The following KLF12 variants were observed in gnomAD, a reference collection of about 807,000 sequenced individuals.
The protein encoded by KLF12 is Krueppel-like factor 12.
A neutral mutation model predicts 37.8 loss-of-function variants in KLF12; 9 were observed. The observed-to-expected ratio is 0.24, with a 90% CI of 0.14 to 0.42. The LOEUF is 0.42. KLF12 is among the 10% of genes least tolerant of loss of function. The pLI is 1.00. For synonymous variants in KLF12, 208 were observed against 202.1 expected, an observed-to-expected ratio of 1.03 and a Z score of -0.25; for missense variants, 411 against 516.0, an observed-to-expected ratio of 0.80 and a Z score of 1.97.
chr13:74,222,112 G>A, the KLF12 span, among the ~76,000 whole-genome samples: 1 of 152,322 alleles, frequency 6.6e-6, no homozygotes, highest in African/African-American at 2.4e-5. Context: ...ACTTGTCAGT[G>A]TTGAATTTGA....
chr13:73,710,128 T>C (rs550102846), intron 7 of KLF12, among the ~76,000 whole-genome samples: 6 of 151,752 alleles, frequency 4.0e-5, no homozygotes, highest in Non-Finnish European at 7.4e-5. Context: ...CTTTCAGTGA[T>C]AGGGAACACA....
chr13:73,932,607 A>T (rs1183024051), intron 3 of KLF12, among the ~76,000 whole-genome samples: 1 of 152,182 alleles, frequency 6.6e-6, no homozygotes, highest in Non-Finnish European at 1.5e-5. Flanking sequence ...GATTTCAAAA[A>T]TTGATAGACA....
intron 6 of KLF12, among the ~76,000 whole-genome samples, chr13:73,735,315 C>T (rs971695452): frequency 6.6e-6 from 1 of 151,976 alleles, no homozygotes; most frequent in Non-Finnish European, 1.5e-5. Flanking sequence ...AGGGAACATG[C>T]TGTTTAGTTA....
intron 3 of KLF12, among the ~76,000 whole-genome samples, chr13:73,853,730 C>T (rs989601619): frequency 6.7e-5 from 7 of 104,590 alleles, no homozygotes; most frequent in African/African-American, 2.2e-4. Flanking sequence ...CAGAGTGAGA[C>T]CCTGTCTAAA....
chr13:74,086,262 C>A (rs1875288793), intron 1 of KLF12, among the ~76,000 whole-genome samples: 1 of 122,918 alleles, frequency 8.1e-6, no homozygotes. Context: ...AATGCTATCC[C>A]TCCCCCTCCC....
At chr13:74,014,259 A>C (rs1199643226) in intron 1 of KLF12, among the ~76,000 whole-genome samples, 1 of 152,202 alleles carries the variant, frequency 6.6e-6, no homozygotes, top group Admixed American at 6.5e-5. Context: ...CAGTGGATAG[A>C]GGACACCCCA....
chr13:74,094,707 C>G (rs111829846), intron 1 of KLF12, among the ~76,000 whole-genome samples: 12,176 of 151,798 alleles, frequency 0.08, 608 homozygotes, highest in Non-Finnish European at 0.12. Context: ...CCAAGTGATT[C>G]TCCTGCCTCA....
At chr13:74,017,258 TAAAAAAAAAAAAAAA>T (rs56321692) in intron 1 of KLF12, among the ~76,000 whole-genome samples, 5 of 45,590 alleles carry the variant, frequency 1.1e-4, no homozygotes, top group Admixed American at 2.9e-4. Context: ...GCCCTCAACC[TAAAAAAAAAAAAAAA>T]AAAAAAAAAA....
chr13:74,183,304 G>A, the KLF12 span, among the ~76,000 whole-genome samples: 1 of 152,124 alleles, frequency 6.6e-6, no homozygotes, highest in Non-Finnish European at 1.5e-5. Context: ...ATGAATGCGG[G>A]ACTCGGCTAT....
intron 2 of KLF12, among the ~76,000 whole-genome samples, chr13:73,951,435 G>A (rs1344888172): frequency 2.0e-5 from 3 of 152,172 alleles, no homozygotes; most frequent in Admixed American, 6.5e-5. Context: ...ATGACAATGA[G>A]TCTAAATTCA....
chr13:73,691,739 T>C lies in KLF12; in HGVS notation c.*3751A>G, dbSNP rs2137525736. 6.5e-6 allele frequency: 1 copy of C among 152,764 alleles called. No individual in the cohort carries two copies. Among genetic ancestry groups the C allele is most frequent in the South Asian group, 2.1e-4 (1 of 4,828 alleles). 9.5% of individuals were successfully genotyped at this position (152,764 alleles called of 1,614,324 possible). A position where few individuals can be genotyped will look rare whatever the true frequency, so the allele number is the denominator to read the frequency against. On this transcript the variant is annotated 3_prime_UTR_variant, in exon 8 of 8. Coordinates refer to ENST00000377669, the MANE Select transcript of KLF12 (RefSeq NM_007249.5). ...TAAGTATAATAAATCAAGTACAGAATAAGGAATACTGCATCTTTATCCATA... is the reference window on the plus strand; with the variant it reads ...TAAGTATAATAAATCAAGTACAGAACAAGGAATACTGCATCTTTATCCATA...
chr13:73,844,717 G>T (rs574159140), intron 4 of KLF12: 68 of 152,164 alleles, frequency 4.5e-4, no homozygotes, highest in African/African-American at 1.6e-3. Flanking sequence ...CCTCATACAA[G>T]AACCAAAACA....
intron 3 of KLF12, among the ~76,000 whole-genome samples, chr13:73,876,089 A>G (rs1886688812): frequency 6.6e-6 from 1 of 151,546 alleles, no homozygotes; most frequent in Non-Finnish European, 1.5e-5. Context: ...ACAATGTATT[A>G]TTCTCAGTTT....
chr13:73,829,512 T>C (rs547853062), intron 4 of KLF12, among the ~76,000 whole-genome samples: 4 of 152,324 alleles, frequency 2.6e-5, no homozygotes, highest in Admixed American at 1.3e-4. Context: ...AATAAAAATA[T>C]ATACATGTCC....
intron 5 of KLF12, among the ~76,000 whole-genome samples, chr13:73,808,848 G>C (rs978315247): frequency 6.6e-6 from 1 of 152,186 alleles, no homozygotes; most frequent in Non-Finnish European, 1.5e-5. Flanking sequence ...CTGTGGTTTA[G>C]CATCTTGTCA....
chr13:74,259,859 G>A, the KLF12 span: 2 of 152,126 alleles, frequency 1.3e-5, no homozygotes, highest in African/African-American at 4.8e-5. Context: ...TGTGGGGCCC[G>A]ATACCATGAT....
At chr13:73,813,413 G>T (rs1883048609) in intron 4 of KLF12, 126 bp from the exon 5 acceptor site, 4 of 1,010,758 alleles carry the variant, frequency 4.0e-6, no homozygotes, top group Admixed American at 2.2e-5. Flanking sequence ...GACATCACAG[G>T]AATCAGTGAA....
intron 3 of KLF12, among the ~76,000 whole-genome samples, chr13:73,942,135 A>C (rs570171704): frequency 6.6e-6 from 1 of 152,300 alleles, no homozygotes; most frequent in South Asian, 2.1e-4. Flanking sequence ...CCAAAAAATA[A>C]AGGGGAAAGA....
chr13:73,770,469 T>C (rs563480255), intron 5 of KLF12, among the ~76,000 whole-genome samples: 79 of 152,192 alleles, frequency 5.2e-4, no homozygotes, highest in Non-Finnish European at 9.7e-4. Flanking sequence ...AAGCCATTTA[T>C]GTTACTTTTA....
Sources: allele counts gnomAD v4.1 joint callset (sites outside exome capture counted in the v4.1 genomes callset), GRCh38; gene constraint gnomAD v4.1.1; transcripts MANE v1.5; gene names NCBI Gene and HGNC (gene_info 2026-07-23, HGNC 2026-07-21).